Variants in GALNT17 observed in about 807,000 individuals in gnomAD.
GALNT17 encodes the protein UDP-GalNAc:polypeptide N-acetylgalactosaminyltransferase-like 3.
A neutral mutation model predicts 63.7 loss-of-function variants in GALNT17; 29 were observed. The ratio of observed to expected loss-of-function variants is 0.46; its 90% CI spans 0.34 to 0.62. The LOEUF is 0.62. Ranked by LOEUF, GALNT17 falls within the 20% of genes least tolerant of loss-of-function variation. The pLI is 0.01. For missense variants in GALNT17, 603 were observed against 799.6 expected (o/e 0.75, Z 2.97); for synonymous variants, 305 against 318.3 (o/e 0.96, Z 0.45).
At chr7:71,139,606 C>T (rs1787849172) in intron 1 of GALNT17, among the ~76,000 whole-genome samples, 1 of 152,124 alleles carries the variant, frequency 6.6e-6, no homozygotes, top group Non-Finnish European at 1.5e-5. Flanking sequence ...CACACCACAA[C>T]CCACCCAACA....
At position 71,671,459 on chromosome 7, in the gene GALNT17, C is replaced by T. The variant is rs141475999; in HGVS notation, c.1404+1350C>T. Among the ~76,000 whole-genome samples, 684 of 152,272 alleles carry T rather than the reference C, an allele frequency of 4.5e-3. 22 individuals carry two copies. Among genetic ancestry groups the T allele is most frequent in the Admixed American group, 0.03 (457 of 15,288 alleles). ...CCTTTTATAGAAAATAAATCAACCACAGGTTAAGTCATCAGGGTGTAGAGT... is the reference window on the plus strand; with the variant it reads ...CCTTTTATAGAAAATAAATCAACCATAGGTTAAGTCATCAGGGTGTAGAGT... On this transcript the variant is annotated intron_variant, in intron 8 of 10. Transcript: ENST00000333538.
At chr7:71,582,479 G>C (rs1789650757) in intron 6 of GALNT17, among the ~76,000 whole-genome samples, 1 of 151,852 alleles carries the variant, frequency 6.6e-6, no homozygotes, top group South Asian at 2.1e-4. Flanking sequence ...TACTCGGGAG[G>C]CTGAGGAAGG....
intron 5 of GALNT17, among the ~76,000 whole-genome samples, chr7:71,499,194 G>T (rs1019104849): frequency 1.3e-5 from 2 of 152,052 alleles, no homozygotes; most frequent in African/African-American, 4.8e-5. Context: ...CCCCTTACCT[G>T]AATGTTAATA....
chr7:71,316,262 G>A (rs1791498107), intron 1 of GALNT17, among the ~76,000 whole-genome samples: 3 of 114,826 alleles, frequency 2.6e-5, no homozygotes, highest in African/African-American at 8.3e-5. Flanking sequence ...GTCTGATCAG[G>A]ATCCTGATCT....
At chr7:71,375,353 G>T (rs1389466449) in intron 2 of GALNT17, among the ~76,000 whole-genome samples, 1 of 152,108 alleles carries the variant, frequency 6.6e-6, no homozygotes, top group African/African-American at 2.4e-5. Flanking sequence ...ACAACTTTTA[G>T]GACCAGTTTG....
At chr7:71,679,685 A>G (rs1171929730) in intron 9 of GALNT17, among the ~76,000 whole-genome samples, 1 of 151,984 alleles carries the variant, frequency 6.6e-6, no homozygotes, top group Non-Finnish European at 1.5e-5. Flanking sequence ...AGAAGGCAGC[A>G]GAGAGGTGGA....
intron 6 of GALNT17, among the ~76,000 whole-genome samples, chr7:71,633,534 C>T (rs955624469): frequency 5.3e-5 from 8 of 152,110 alleles, no homozygotes; most frequent in East Asian, 3.9e-4. Flanking sequence ...GAAATGAATG[C>T]GGCTGTCAGT....
At chr7:71,523,681 G>T (rs552350685) in intron 5 of GALNT17, among the ~76,000 whole-genome samples, 1 of 151,440 alleles carries the variant, frequency 6.6e-6, no homozygotes, top group Non-Finnish European at 1.5e-5. Context: ...GTTCAAGCCT[G>T]CAGAGAGCTA....
At chr7:71,353,236 T>C (rs1792220800) in intron 2 of GALNT17, among the ~76,000 whole-genome samples, 1 of 152,194 alleles carries the variant, frequency 6.6e-6, no homozygotes, top group Non-Finnish European at 1.5e-5. Flanking sequence ...GGTTCACATT[T>C]TACAATATTT....
intron 6 of GALNT17, among the ~76,000 whole-genome samples, chr7:71,592,872 A>G (rs1789830496): frequency 6.6e-6 from 1 of 152,180 alleles, no homozygotes; most frequent in Non-Finnish European, 1.5e-5. Flanking sequence ...AGGGCTGAGC[A>G]TAGTGGCACA....
At chr7:71,629,158 G>A (rs569775840) in intron 6 of GALNT17, among the ~76,000 whole-genome samples, 13 of 152,188 alleles carry the variant, frequency 8.5e-5, no homozygotes, top group Non-Finnish European at 5.9e-5. Context: ...CACCAAGCAG[G>A]AAGTGCATGG....
At position 71,560,581 on chromosome 7, in the gene GALNT17, G is replaced by A. The variant is rs191042958; in HGVS notation, c.963-10704G>A. ...CATGCAGAGGAGGGGTCCTAGTGGC[G>A]CAGGCACAGGGAGCCATCATGCCTT... On this transcript the variant is annotated intron_variant, in intron 5 of 10. Coordinates refer to ENST00000333538, the MANE Select transcript of GALNT17 (RefSeq NM_022479.3). Among the ~76,000 whole-genome samples the A allele has an allele frequency of 2.4e-3, 370 of 152,306 alleles. 1 individual carries two copies. The highest frequency in any genetic ancestry group is 8.5e-3 in the African/African-American group (353 of 41,572).
intron 6 of GALNT17, among the ~76,000 whole-genome samples, chr7:71,607,404 G>A (rs34083706): frequency 0.039 from 5,876 of 152,240 alleles, 385 homozygotes; most frequent in African/African-American, 0.13. Flanking sequence ...AGTCGTAAGA[G>A]TTTAAAGGTG....
At chr7:71,430,734 G>A (rs1235365894) in intron 5 of GALNT17, among the ~76,000 whole-genome samples, 2 of 152,138 alleles carry the variant, frequency 1.3e-5, no homozygotes, top group African/African-American at 2.4e-5. Context: ...TATAGTTGCC[G>A]GGATCTCAAA....
At chr7:71,532,632 T>G in intron 5 of GALNT17, among the ~76,000 whole-genome samples, 1 of 152,186 alleles carries the variant, frequency 6.6e-6, no homozygotes, top group African/African-American at 2.4e-5. Flanking sequence ...ACTTTGCTAA[T>G]TGGTCTCTTT....
At chr7:71,432,032 G>A (rs957014955) in intron 5 of GALNT17, among the ~76,000 whole-genome samples, 1 of 152,086 alleles carries the variant, frequency 6.6e-6, no homozygotes. Flanking sequence ...AAAAGTAGCT[G>A]GGTGTGATGG....
At chr7:71,693,309 C>CATATATATATAT (rs369668179) in intron 9 of GALNT17, among the ~76,000 whole-genome samples, 4 of 124,196 alleles carry the variant, frequency 3.2e-5, no homozygotes, top group Admixed American at 8.5e-5. Flanking sequence ...CACACACACA[C>CATATATATATAT]ATATATATAT....
chr7:71,362,080 C>A lies in GALNT17; in HGVS notation c.423-26155C>A, dbSNP rs148641005. Among the ~76,000 whole-genome samples the A allele has an allele frequency of 4.2e-4, 64 of 152,226 alleles. 1 individual carries two copies. In the East Asian group the frequency reaches 0.012, roughly 28 times the overall value. The stretch of plus-strand genomic sequence containing the variant: ...CAAGAGATTCTCCTGCCTCAGCCTC[C>A]CGAGTGGCTAGGATTACAGGCGCCT... On this transcript the variant is annotated intron_variant, in intron 2 of 10. Coordinates refer to ENST00000333538, the MANE Select transcript of GALNT17 (RefSeq NM_022479.3).
chr7:71,646,681 A>T (rs1284755788), intron 6 of GALNT17, among the ~76,000 whole-genome samples: 1 of 150,784 alleles, frequency 6.6e-6, no homozygotes, highest in African/African-American at 2.4e-5. Context: ...ATGCTTCTTT[A>T]TGAGTTGCCT....
Sources: allele counts gnomAD v4.1 joint callset (sites outside exome capture counted in the v4.1 genomes callset), GRCh38; gene constraint gnomAD v4.1.1; transcripts MANE v1.5; gene names NCBI Gene and HGNC (gene_info 2026-07-23, HGNC 2026-07-21).